The following RPGRIP1 variants were observed in gnomAD, a reference collection of about 807,000 sequenced individuals.
RPGRIP1 encodes X-linked retinitis pigmentosa GTPase regulator-interacting protein 1.
In RPGRIP1, 128 loss-of-function variants were observed where a neutral mutation model predicts 157.9. The observed-to-expected ratio is 0.81, with a 90% confidence interval of 0.70 to 0.94. The LOEUF (loss-of-function observed/expected upper bound fraction) is 0.94. Ranked by LOEUF, RPGRIP1 falls within the 40% of genes least tolerant of loss-of-function variation. The pLI, the probability that RPGRIP1 is intolerant of heterozygous loss-of-function variation, is 0.00. For synonymous variants in RPGRIP1, 554 were observed against 571.6 expected, an observed-to-expected ratio of 0.97 and a Z score of 0.44; for missense variants, 1,486 against 1,545.8, an observed-to-expected ratio of 0.96 and a Z score of 0.65.
Position 21,334,724 on chromosome 14 carries a change from T to C in RPGRIP1, c.3339+19T>C, listed in dbSNP as rs1179609611. On this transcript the variant is annotated intron_variant, in intron 21 of 24. Coordinates refer to ENST00000400017, the MANE Select transcript of RPGRIP1 (RefSeq NM_020366.4). ...TAAGGCAGTAAGTACACTGGAGTAA[T>C]CATTGCATACGAGATAAGACGATAA... 3.5e-6 allele frequency: 5 copies of C among 1,433,844 alleles called. No individual in the cohort carries two copies. In the Admixed American group the frequency reaches 9.3e-5, roughly 27 times the overall value. 88.8% of individuals were successfully genotyped at this position (1,433,844 alleles called of 1,614,324 possible).
intron 1 of RPGRIP1, among the ~76,000 whole-genome samples, chr14:21,286,653 G>A (rs1180322299): frequency 2.6e-5 from 4 of 151,744 alleles, no homozygotes; most frequent in African/African-American, 7.3e-5. Context: ...ATATTAGCCA[G>A]GCATGGTGGC....
chr14:21,296,439 C>T (rs1055637088), intron 3 of RPGRIP1, among the ~76,000 whole-genome samples: 3 of 151,784 alleles, frequency 2.0e-5, no homozygotes, highest in Non-Finnish European at 4.4e-5. Flanking sequence ...GTCTCAAACT[C>T]CTGACCTCAG....
At chr14:21,327,324 A>G (rs1883216358) in intron 17 of RPGRIP1, among the ~76,000 whole-genome samples, 1 of 152,192 alleles carries the variant, frequency 6.6e-6, no homozygotes, top group African/African-American at 2.4e-5. Flanking sequence ...ATAATAATGC[A>G]GCCTTGTTCA....
At chr14:21,331,726 A>G (rs138457891) in intron 20 of RPGRIP1, among the ~76,000 whole-genome samples, 1 of 152,036 alleles carries the variant, frequency 6.6e-6, no homozygotes, top group Non-Finnish European at 1.5e-5. Context: ...CCAGTGTTCT[A>G]TTTCTTGGCT....
chr14:21,292,140 C>T (rs1294955566), intron 2 of RPGRIP1, among the ~76,000 whole-genome samples: 2 of 152,188 alleles, frequency 1.3e-5, no homozygotes, highest in African/African-American at 4.8e-5. Context: ...TGTCTGCCCA[C>T]CATGGCCTTC....
chr14:21,324,372 A>T (rs1455692434), intron 14 of RPGRIP1: 2 of 559,910 alleles, frequency 3.6e-6, no homozygotes, highest in Non-Finnish European at 6.4e-6. Flanking sequence ...TCCTAAGTTT[A>T]GCATCTACTT....
chr14:21,296,727 C>T (rs577673774), intron 3 of RPGRIP1, among the ~76,000 whole-genome samples: 44 of 151,402 alleles, frequency 2.9e-4, no homozygotes, highest in South Asian at 8.5e-4. Context: ...GAGGCCAAGG[C>T]GGGTGGATCA....
chr14:21,347,869 G>A (rs1356531859), intron 23 of RPGRIP1, among the ~76,000 whole-genome samples: 1 of 152,124 alleles, frequency 6.6e-6, no homozygotes, highest in Non-Finnish European at 1.5e-5. Flanking sequence ...GGGACTATAG[G>A]TGTGTGCCAC....
At position 21,301,028 on chromosome 14, in the gene RPGRIP1, C is replaced by CGG. The variant is rs1881002905; in HGVS notation, c.282_283dup (p.Ala95GlyfsTer76). ...CGGGACCTGCGGGTCGCGGAGGAGG[C>CGG]GGCGCCGCTCTCGGAGACCGCAAGG... On this transcript the variant is annotated frameshift_variant, in exon 4 of 25. Coordinates refer to ENST00000400017, the MANE Select transcript of RPGRIP1 (RefSeq NM_020366.4). LOFTEE classifies it high-confidence loss of function. 7 of 1,612,260 alleles carry CGG rather than the reference C, an allele frequency of 4.3e-6. No homozygotes were observed. Among genetic ancestry groups the CGG allele is most frequent in the Non-Finnish European group, 5.9e-6 (7 of 1,179,350 alleles).
intron 2 of RPGRIP1, among the ~76,000 whole-genome samples, chr14:21,293,422 G>A (rs1880619056): frequency 6.6e-6 from 1 of 151,374 alleles, no homozygotes; most frequent in Admixed American, 6.6e-5. Flanking sequence ...CCTTGTGTAG[G>A]TCCAAATTAT....
In RPGRIP1 at chr14:21,301,105, C is replaced by T; in HGVS notation, c.358C>T (p.Gln120Ter). Residue 120 changes from glutamine (Q) to a stop codon, truncating the protein, a stop_gained, in exon 4 of 25, where the codon CAG becomes TAG. Transcript: ENST00000400017. LOFTEE classifies it high-confidence loss of function. ...RQRLSMHQRP[Q>*]MHRLQGHFHC... ...GCGCCTCTCCATGCACCAGCGCCCC[C>T]AGATGCACCGACTGCAAGGGCATTT... The T allele has an allele frequency of 6.2e-7, 1 of 1,610,964 alleles. No homozygotes were observed.
chr14:21,301,145 C>G lies in RPGRIP1; in HGVS notation c.398C>G (p.Pro133Arg). 6.3e-7 allele frequency: 1 copy of G among 1,596,326 alleles called. No individual in the cohort carries two copies. The highest frequency in any genetic ancestry group is 8.5e-7 in the Non-Finnish European group (1 of 1,171,708). ...RLQGHFHCVG[P>R]ASPRRAQPRV... ...CAAGGGCATTTCCACTGCGTCGGCC[C>G]TGCCAGCCCCCGCCGCGCCCAGCCT... Residue 133 changes from proline (P) to arginine (R), a missense_variant, in exon 4 of 25, where the codon CCT (proline) becomes CGT (arginine). Coordinates refer to ENST00000400017, the MANE Select transcript of RPGRIP1 (RefSeq NM_020366.4).
At chr14:21,291,233 T>C (rs180835741) in intron 2 of RPGRIP1, among the ~76,000 whole-genome samples, 2 of 152,278 alleles carry the variant, frequency 1.3e-5, no homozygotes, top group Admixed American at 1.3e-4. Flanking sequence ...CTTTGTATAT[T>C]TTGGACACAG....
Position 21,338,564 on chromosome 14 carries a change from A to T in RPGRIP1, c.3339+3859A>T, listed in dbSNP as rs574179712. 2.6e-5 allele frequency among the ~76,000 whole-genome samples: 4 copies of T among 152,332 alleles called. No individual in the cohort carries two copies. The South Asian group carries it at 8.3e-4, about 32-fold the overall frequency. ...CATACTTTCTTTGCTGTTCAGCCCC[A>T]ATAAAATTACATAATGGAATTAGCT... is the stretch of plus-strand genomic sequence containing the variant. On this transcript the variant is annotated intron_variant, in intron 21 of 24. Transcript: ENST00000400017.
chr14:21,315,806 A>ATTTTTT (rs1360256191), intron 10 of RPGRIP1, among the ~76,000 whole-genome samples: 1 of 144,594 alleles, frequency 6.9e-6, no homozygotes, highest in African/African-American at 2.6e-5. Context: ...TATTATTATT[A>ATTTTTT]TTTTTTTTTT....
chr14:21,298,589 A>G (rs1880891713), intron 3 of RPGRIP1, among the ~76,000 whole-genome samples: 1 of 151,656 alleles, frequency 6.6e-6, no homozygotes, highest in South Asian at 2.1e-4. Flanking sequence ...CCTAATGTCA[A>G]GGGCAGTGTT....
intron 6 of RPGRIP1, 22 bp from the exon 7 acceptor site, chr14:21,307,709 A>C: frequency 7.0e-7 from 1 of 1,434,374 alleles, no homozygotes; most frequent in Non-Finnish European, 9.6e-7. Context: ...CAGACAGAAT[A>C]ATTTAGCGCC....
intron 12 of RPGRIP1, among the ~76,000 whole-genome samples, chr14:21,320,663 G>C (rs149928345): frequency 6.8e-6 from 1 of 146,654 alleles, no homozygotes; most frequent in Non-Finnish European, 1.5e-5. Context: ...GCAATGGCGC[G>C]ATCTCGGCTC....
chr14:21,333,744 T>G (rs1884027671), intron 20 of RPGRIP1, among the ~76,000 whole-genome samples: 1 of 152,062 alleles, frequency 6.6e-6, no homozygotes, highest in Non-Finnish European at 1.5e-5. Flanking sequence ...CATTTTTGTG[T>G]TCTGGCCTTA....
Sources: gnomAD v4.1 joint callset for allele counts (sites outside exome capture counted in the v4.1 genomes callset) on GRCh38, gnomAD v4.1.1 for gene constraint, MANE v1.5 for transcripts, NCBI Gene and HGNC (gene_info 2026-07-23, HGNC 2026-07-21) for gene names.